Variants in EIF4G3 observed in about 807,000 individuals in gnomAD.
EIF4G3 encodes eukaryotic translation initiation factor 4 gamma 3, also known as eIF-4-gamma 3.
Under a neutral mutation model 186.4 loss-of-function variants are expected in EIF4G3, and 34 were observed. The observed-to-expected ratio is 0.18, with a 90% CI of 0.14 to 0.24. EIF4G3 has a LOEUF of 0.24. EIF4G3 is among the 10% of genes least tolerant of loss of function. EIF4G3 has a pLI of 1.00. For missense variants in EIF4G3, 1,536 were observed against 1,948.5 expected (o/e 0.79, Z 3.99); for synonymous variants, 673 against 679.5 (o/e 0.99, Z 0.15).
chr1:20,831,276 T>TA (rs143475971), intron 30 of EIF4G3, among the ~76,000 whole-genome samples: 19,488 of 110,580 alleles, frequency 0.18, 1,629 homozygotes, highest in East Asian at 0.52. Flanking sequence ...AGAAAAATAT[T>TA]AATTTTTTTT....
intron 7 of EIF4G3, among the ~76,000 whole-genome samples, chr1:20,989,592 T>G: frequency 7.3e-6 from 1 of 137,164 alleles, no homozygotes; most frequent in South Asian, 2.3e-4. Context: ...AAGTAGAGCC[T>G]GAAGATGTGA....
chr1:20,837,180 C>T (rs1202003395), intron 30 of EIF4G3, among the ~76,000 whole-genome samples: 1 of 152,108 alleles, frequency 6.6e-6, no homozygotes, highest in Non-Finnish European at 1.5e-5. Context: ...GTAGCTACCT[C>T]ACCAGGGACC....
chr1:20,987,813 A>T (rs1427182188), intron 7 of EIF4G3, among the ~76,000 whole-genome samples: 1 of 152,234 alleles, frequency 6.6e-6, no homozygotes, highest in East Asian at 1.9e-4. Context: ...GTCTTGTGTC[A>T]CATCTCTCAC....
In EIF4G3 at chr1:20,866,946, T is replaced by C. The variant is rs182472958; in HGVS notation, c.2623-1684A>G. Among the ~76,000 whole-genome samples, 24 of 152,258 alleles carry C rather than the reference T, an allele frequency of 1.6e-4. No individual in the cohort carries two copies. The East Asian group carries it at 4.6e-3, about 29-fold the overall frequency. On this transcript the variant is annotated intron_variant, in intron 20 of 36. Coordinates refer to ENST00000602326, the MANE Select transcript of EIF4G3 (RefSeq NM_001391906.1). ...TAATAGTCCGGCCCACAATCTATCATCTCTAAAGAGAAGTTTCCTACATTA... is the reference window on the plus strand; with the variant it reads ...TAATAGTCCGGCCCACAATCTATCACCTCTAAAGAGAAGTTTCCTACATTA...
intron 12 of EIF4G3, among the ~76,000 whole-genome samples, chr1:20,959,966 A>G (rs1478641016): frequency 6.6e-6 from 1 of 152,158 alleles, no homozygotes; most frequent in Non-Finnish European, 1.5e-5. Context: ...TATAACCTCT[A>G]TGGAAAACAG....
At chr1:20,812,000 G>A (rs1228322234) in intron 35 of EIF4G3, among the ~76,000 whole-genome samples, 1 of 152,122 alleles carries the variant, frequency 6.6e-6, no homozygotes, top group African/African-American at 2.4e-5. Flanking sequence ...ACCTAATCTA[G>A]GCCTTTTGAG....
chr1:20,995,598 G>A (rs1445899441), intron 7 of EIF4G3, among the ~76,000 whole-genome samples: 2 of 151,852 alleles, frequency 1.3e-5, no homozygotes, highest in East Asian at 1.9e-4. Flanking sequence ...TCTTGAACTC[G>A]TGACCTCAAG....
chr1:20,851,479 C>T lies in EIF4G3; in HGVS notation c.3552-1G>A. ...CTTCTCCCTGCCCATACTTCCACGA[C>T]TTAAAAGACAAAACAACACTTTTCA... On this transcript the variant is annotated splice_acceptor_variant, in intron 27 of 36. Transcript: ENST00000602326. LOFTEE classifies it high-confidence loss of function. 4 of 1,614,078 alleles carry T rather than the reference C, an allele frequency of 2.5e-6. No homozygotes were observed. Among genetic ancestry groups the T allele is most frequent in the Non-Finnish European group, 2.5e-6 (3 of 1,180,008 alleles).
chr1:21,121,785 A>C (rs1038823333), intron 2 of EIF4G3, among the ~76,000 whole-genome samples: 1 of 152,262 alleles, frequency 6.6e-6, no homozygotes, highest in Middle Eastern at 3.4e-3. Flanking sequence ...AAAAAAAAAA[A>C]AAAAACTAAT....
At chr1:21,066,834 T>C (rs1261522802) in intron 3 of EIF4G3, among the ~76,000 whole-genome samples, 1 of 152,208 alleles carries the variant, frequency 6.6e-6, no homozygotes, top group Non-Finnish European at 1.5e-5. Context: ...AAATCTAATT[T>C]CCTATGACTC....
chr1:20,904,415 ATC>A (rs1266963858), intron 15 of EIF4G3, among the ~76,000 whole-genome samples: 1 of 152,130 alleles, frequency 6.6e-6, no homozygotes, highest in Non-Finnish European at 1.5e-5. Context: ...GCATGATCAC[ATC>A]TCACTGCAGC....
At chr1:21,129,457 C>T (rs2097112191) in intron 2 of EIF4G3, among the ~76,000 whole-genome samples, 1 of 152,076 alleles carries the variant, frequency 6.6e-6, no homozygotes, top group Non-Finnish European at 1.5e-5. Flanking sequence ...TACAAATCTC[C>T]ACATGAGCAA....
At chr1:21,010,479 T>C (rs767176881) in intron 4 of EIF4G3, among the ~76,000 whole-genome samples, 31 of 148,368 alleles carry the variant, frequency 2.1e-4, no homozygotes, top group Non-Finnish European at 4.2e-4. Flanking sequence ...AAAGAAAACA[T>C]GTAACAAAAT....
rs915282388 is a variant in EIF4G3, at chr1:20,984,011, T to G, written c.178-1603A>C. On this transcript the variant is annotated intron_variant, in intron 7 of 36. Coordinates refer to ENST00000602326, the MANE Select transcript of EIF4G3 (RefSeq NM_001391906.1). ...ACCAGCCTGTCCAGAATAACTGAGG[T>G]TACATCTTATTCAATGAGGTTTCTG... is the stretch of plus-strand genomic sequence containing the variant. 6.6e-5 allele frequency among the ~76,000 whole-genome samples: 10 copies of G among 152,206 alleles called. 1 individual carries two copies. Among genetic ancestry groups the G allele is most frequent in the Admixed American group, 5.9e-4 (9 of 15,272 alleles).
At chr1:20,828,170 T>C (rs1428574396) in intron 31 of EIF4G3, among the ~76,000 whole-genome samples, 1 of 151,672 alleles carries the variant, frequency 6.6e-6, no homozygotes, top group African/African-American at 2.4e-5. Flanking sequence ...GTAGCTGGGA[T>C]TACAGGCACG....
intron 2 of EIF4G3, among the ~76,000 whole-genome samples, chr1:21,157,343 G>T (rs2097680284): frequency 6.6e-6 from 1 of 151,854 alleles, no homozygotes; most frequent in Non-Finnish European, 1.5e-5. Context: ...CCATTTGAGA[G>T]TACTGTTTTT....
chr1:20,927,130 G>C (rs965568838), intron 14 of EIF4G3, among the ~76,000 whole-genome samples: 1 of 149,688 alleles, frequency 6.7e-6, no homozygotes, highest in African/African-American at 2.5e-5. Flanking sequence ...TGCAACATCC[G>C]CCTCCTGGGT....
At chr1:21,165,776 T>G (rs900808223) in intron 2 of EIF4G3, among the ~76,000 whole-genome samples, 8 of 152,096 alleles carry the variant, frequency 5.3e-5, no homozygotes, top group African/African-American at 1.9e-4. Context: ...CTCAACTGGT[T>G]TTGAATATAC....
intron 7 of EIF4G3, among the ~76,000 whole-genome samples, chr1:20,995,755 G>A (rs1471029298): frequency 1.3e-5 from 2 of 152,104 alleles, no homozygotes; most frequent in Non-Finnish European, 2.9e-5. Flanking sequence ...AATAATTGTG[G>A]TCAATGGTAA....
Sources: gnomAD v4.1 joint callset for allele counts (sites outside exome capture counted in the v4.1 genomes callset) on GRCh38, gnomAD v4.1.1 for gene constraint, MANE v1.5 for transcripts, NCBI Gene and HGNC (gene_info 2026-07-23, HGNC 2026-07-21) for gene names.